The following SHANK2 variants were observed in gnomAD, a reference collection of about 807,000 sequenced individuals.
The protein encoded by SHANK2 is SH3 and multiple ankyrin repeat domains 2.
A neutral mutation model predicts 133.7 loss-of-function variants in SHANK2; 43 were observed. That is an observed-to-expected ratio of 0.32 (90% CI 0.25 to 0.41). The LOEUF (loss-of-function observed/expected upper bound fraction) is 0.41, where lower values mean the gene tolerates loss of function less well. SHANK2 is among the 10% of genes least tolerant of loss of function. SHANK2 has a pLI of 1.00. For synonymous variants in SHANK2, 1,017 were observed against 952.8 expected (o/e 1.07, Z -1.24); for missense variants, 1,994 against 2,235.8 (o/e 0.89, Z 2.18).
chr11:70,590,983 A>G (rs947432620), intron 17 of SHANK2, among the ~76,000 whole-genome samples: 3 of 152,184 alleles, frequency 2.0e-5, no homozygotes, highest in Non-Finnish European at 4.4e-5. Context: ...AGTAGATGTT[A>G]TCTTTTAAAA....
chr11:70,551,012 C>T (rs1307822317), intron 17 of SHANK2, among the ~76,000 whole-genome samples: 1 of 152,218 alleles, frequency 6.6e-6, no homozygotes, highest in Admixed American at 6.5e-5. Flanking sequence ...GAAGGCGATG[C>T]CCCTGAGGGC....
chr11:71,095,142 G>A (rs1261725445), intron 6 of SHANK2, among the ~76,000 whole-genome samples: 1 of 152,252 alleles, frequency 6.6e-6, no homozygotes, highest in African/African-American at 2.4e-5. Context: ...GCCATGGGCT[G>A]CAGGGACACA....
chr11:70,660,033 C>T lies in SHANK2; in HGVS notation c.1937-81G>A, dbSNP rs1345831144. ...ATTGCCTGACCTCCCCACAGGACCC[C>T]GGGAGGAAGTGGGCCCACTCATCTC... is the stretch of plus-strand genomic sequence containing the variant. On this transcript the variant is annotated intron_variant, in intron 16 of 25. Transcript: ENST00000601538. 1.3e-5 allele frequency: 21 copies of T among 1,586,862 alleles called. No individual in the cohort carries two copies. In the Admixed American group the frequency reaches 1.7e-4, roughly 13 times the overall value.
intron 6 of SHANK2, among the ~76,000 whole-genome samples, chr11:71,103,624 A>G (rs573786553): frequency 1.4e-4 from 21 of 152,206 alleles, no homozygotes; most frequent in Non-Finnish European, 2.5e-4. Flanking sequence ...TTAACCACTG[A>G]TATGGTTTGG....
intron 2 of SHANK2, among the ~76,000 whole-genome samples, chr11:71,184,538 C>T (rs1953633405): frequency 6.6e-6 from 1 of 152,196 alleles, no homozygotes; most frequent in Non-Finnish European, 1.5e-5. Context: ...AACCCGAGGG[C>T]TGGCTCTGTA....
At chr11:71,227,553 A>C (rs1954660984) in intron 1 of SHANK2, among the ~76,000 whole-genome samples, 1 of 152,146 alleles carries the variant, frequency 6.6e-6, no homozygotes, top group African/African-American at 2.4e-5. Context: ...CAGAGGAGCA[A>C]AATACATGAA....
chr11:71,139,831 T>G (rs1952518623), intron 3 of SHANK2, among the ~76,000 whole-genome samples: 1 of 152,310 alleles, frequency 6.6e-6, no homozygotes, highest in African/African-American at 2.4e-5. Flanking sequence ...TGAGCACTGC[T>G]AGAGGCTCTC....
At chr11:70,717,773 C>T (rs539693567) in intron 14 of SHANK2, among the ~76,000 whole-genome samples, 41 of 151,618 alleles carry the variant, frequency 2.7e-4, no homozygotes, top group Non-Finnish European at 5.0e-4. Flanking sequence ...AGACTGAGTC[C>T]GTGGGGCGGC....
At chr11:70,496,270 G>A (rs1386328254) in intron 21 of SHANK2, among the ~76,000 whole-genome samples, 2 of 152,184 alleles carry the variant, frequency 1.3e-5, no homozygotes, top group South Asian at 2.1e-4. Flanking sequence ...AGAAGCTCCC[G>A]TTTCCAACTG....
chr11:70,736,622 C>T lies in SHANK2; in HGVS notation c.1778-37859G>A, dbSNP rs1307534607. Reference sequence around the variant, plus strand: ...TCCCCTAGCAACTGTGGAGGGAGCACGGCCCTGCTGCCACCGTGATATTGG... The same window carrying T: ...TCCCCTAGCAACTGTGGAGGGAGCATGGCCCTGCTGCCACCGTGATATTGG... On this transcript the variant is annotated intron_variant, in intron 14 of 25. Transcript: ENST00000601538. Among the ~76,000 whole-genome samples the T allele has an allele frequency of 3.3e-5, 5 of 152,266 alleles. No homozygotes were observed. In the South Asian group the frequency reaches 6.2e-4, roughly 19 times the overall value.
At chr11:70,915,092 T>C (rs189481410) in intron 10 of SHANK2, among the ~76,000 whole-genome samples, 54 of 152,276 alleles carry the variant, frequency 3.5e-4, no homozygotes, top group African/African-American at 1.3e-3. Flanking sequence ...CCGACAGCTA[T>C]TGGCTGGCAA....
At chr11:70,544,983 C>T (rs949871106) in intron 17 of SHANK2, among the ~76,000 whole-genome samples, 10 of 152,260 alleles carry the variant, frequency 6.6e-5, no homozygotes, top group African/African-American at 1.9e-4. Flanking sequence ...GCTGGGGTGG[C>T]GGTGGACCTC....
rs563156539 is a variant in SHANK2, at chr11:70,564,549, C to T, written c.2062-61618G>A. On this transcript the variant is annotated intron_variant, in intron 17 of 25. Coordinates refer to ENST00000601538, the MANE Select transcript of SHANK2 (RefSeq NM_012309.5). The stretch of plus-strand genomic sequence containing the variant: ...TGCTGGGATTACAGGCATGAGCCAC[C>T]GCACCCAGCCTTCAAGTATTTTTTC... Among the ~76,000 whole-genome samples, 20 of 152,222 alleles carry T rather than the reference C, an allele frequency of 1.3e-4. 1 individual carries two copies. The South Asian group carries it at 3.9e-3, about 30-fold the overall frequency.
chr11:70,873,025 C>T (rs902882329), intron 11 of SHANK2: 13 of 471,256 alleles, frequency 2.8e-5, no homozygotes, highest in African/African-American at 4.0e-5. Context: ...AAAGGAAGAG[C>T]GGAGGTAGTT....
intron 3 of SHANK2, among the ~76,000 whole-genome samples, chr11:71,143,442 G>T (rs56162839): frequency 0.012 from 1,849 of 152,314 alleles, 12 homozygotes; most frequent in East Asian, 0.02. Context: ...TGCCCGATGC[G>T]CGGGTTCCCA....
chr11:71,233,640 A>T lies in SHANK2; in HGVS notation c.-112-8844T>A, dbSNP rs540355122. 2.2e-4 allele frequency among the ~76,000 whole-genome samples: 34 copies of T among 152,318 alleles called. No individual in the cohort carries two copies. In the South Asian group the frequency reaches 7.0e-3, roughly 32 times the overall value. ...CACAATGTTATGTAAATTATATCTC[A>T]ACAAATTCTCTAAGAAATCCGCAAC... On this transcript the variant is annotated intron_variant, in intron 1 of 25. Coordinates refer to ENST00000601538, the MANE Select transcript of SHANK2 (RefSeq NM_012309.5).
chr11:70,730,323 C>G (rs1420390564), intron 14 of SHANK2, among the ~76,000 whole-genome samples: 2 of 152,144 alleles, frequency 1.3e-5, no homozygotes, highest in Non-Finnish European at 2.9e-5. Context: ...CCTGCCCTTG[C>G]ACCTGCCTAG....
At chr11:71,103,339 G>A (rs1333232065) in intron 6 of SHANK2, among the ~76,000 whole-genome samples, 3 of 152,194 alleles carry the variant, frequency 2.0e-5, no homozygotes, top group African/African-American at 4.8e-5. Flanking sequence ...AAGTGCCCTT[G>A]TTACTGGTAG....
At chr11:70,945,500 C>T (rs921159548) in intron 10 of SHANK2, among the ~76,000 whole-genome samples, 5 of 152,202 alleles carry the variant, frequency 3.3e-5, no homozygotes, top group African/African-American at 1.2e-4. Flanking sequence ...TTCCTGCTGC[C>T]ATCAGGGATG....
Sources: allele counts gnomAD v4.1 joint callset (sites outside exome capture counted in the v4.1 genomes callset), GRCh38; gene constraint gnomAD v4.1.1; transcripts MANE v1.5; gene names NCBI Gene and HGNC (gene_info 2026-07-23, HGNC 2026-07-21).